The following EYS variants were observed in gnomAD, a reference collection of about 807,000 sequenced individuals.
The protein encoded by EYS is protein eyes shut homolog.
Under a neutral mutation model 282.1 loss-of-function variants are expected in EYS, and 250 were observed. The ratio of observed to expected loss-of-function variants is 0.89; its 90% CI spans 0.80 to 0.98. The LOEUF (loss-of-function observed/expected upper bound fraction) is 0.98. EYS is among the 50% of genes least tolerant of loss of function. The pLI, the probability that EYS is intolerant of heterozygous loss-of-function variation, is 0.00. For missense variants in EYS, 4,016 were observed against 3,709.0 expected (o/e 1.08, Z -2.15); for synonymous variants, 1,355 against 1,282.9 (o/e 1.06, Z -1.20).
chr6:64,798,607 G>GTTT lies in EYS; in HGVS notation c.3443+14768_3443+14770dup, dbSNP rs57597318. Reference sequence around the variant, plus strand: ...CATTCTGCCTGTTTCTTTGTTTCTGGTTTTTTTTTTTTTTTTTTTTGCATC... The same window carrying GTTT: ...CATTCTGCCTGTTTCTTTGTTTCTGGTTTTTTTTTTTTTTTTTTTTTTTGCATC... On this transcript the variant is annotated intron_variant, in intron 22 of 42. Transcript: ENST00000503581. Among the ~76,000 whole-genome samples the GTTT allele has an allele frequency of 5.4e-3, 576 of 106,796 alleles. 9 individuals are homozygous for GTTT. The highest frequency in any genetic ancestry group is 0.011 in the African/African-American group (320 of 28,524). The allele number at this position is 106,796 out of a possible 152,430, so 70.1% of individuals were successfully genotyped here.
chr6:64,502,750 A>G (rs1777095680), intron 26 of EYS, among the ~76,000 whole-genome samples: 1 of 152,050 alleles, frequency 6.6e-6, no homozygotes, highest in Non-Finnish European at 1.5e-5. Flanking sequence ...ACATAAATCC[A>G]TCCATCAACA....
At chr6:63,825,341 C>T (rs1438482025) in intron 36 of EYS, among the ~76,000 whole-genome samples, 3 of 152,184 alleles carry the variant, frequency 2.0e-5, no homozygotes, top group Non-Finnish European at 4.4e-5. Context: ...AGACAAAGGG[C>T]GTATAATCTT....
At chr6:64,469,810 T>C (rs1776053407) in intron 26 of EYS, among the ~76,000 whole-genome samples, 1 of 151,988 alleles carries the variant, frequency 6.6e-6, no homozygotes, top group Non-Finnish European at 1.5e-5. Flanking sequence ...GGCCTAACCG[T>C]CTCCCTGTGA....
chr6:63,987,515 A>C (rs556909372), intron 34 of EYS, among the ~76,000 whole-genome samples: 184 of 151,802 alleles, frequency 1.2e-3, no homozygotes, highest in African/African-American at 4.2e-3. Context: ...GATGTACATA[A>C]AATGCAGACC....
chr6:65,216,516 T>A (rs1766318355), intron 12 of EYS, among the ~76,000 whole-genome samples: 1 of 151,962 alleles, frequency 6.6e-6, no homozygotes, highest in African/African-American at 2.4e-5. Context: ...TTTTTGTGAA[T>A]TTTGAAACAT....
At chr6:65,421,927 A>G (rs76578791) in intron 5 of EYS, among the ~76,000 whole-genome samples, 12 of 152,066 alleles carry the variant, frequency 7.9e-5, no homozygotes, top group East Asian at 3.9e-4. Context: ...TCAAAGATCA[A>G]TGATCACAGA....
intron 22 of EYS, among the ~76,000 whole-genome samples, chr6:64,762,585 CT>C (rs1773194435): frequency 6.6e-6 from 1 of 151,980 alleles, no homozygotes; most frequent in Non-Finnish European, 1.5e-5. Context: ...GTATTTCTTG[CT>C]TTCTCCACAC....
At chr6:65,602,911 C>G (rs1416770746) in intron 2 of EYS, among the ~76,000 whole-genome samples, 3 of 151,858 alleles carry the variant, frequency 2.0e-5, no homozygotes, top group East Asian at 3.9e-4. Context: ...GTCAGAGTAG[C>G]CTTTGCTCCA....
chr6:65,439,733 G>A (rs1458348797), intron 5 of EYS, among the ~76,000 whole-genome samples: 2 of 151,860 alleles, frequency 1.3e-5, no homozygotes, highest in Non-Finnish European at 2.9e-5. Flanking sequence ...TGCTTATCAG[G>A]TTAAGGACAT....
In EYS at chr6:64,501,921, GTGGCT is replaced by G. The variant is rs201328719; in HGVS notation, c.5645-62574_5645-62570del. On this transcript the variant is annotated intron_variant, in intron 26 of 42. Coordinates refer to ENST00000503581, the MANE Select transcript of EYS (RefSeq NM_001142800.2). ...AGCACCAGACTGTCAGGGTGCCAGA[GTGGCT>G]CCTGCATGTACTAGTTCTGGAACTT... Among the ~76,000 whole-genome samples, 652 of 152,278 alleles carry G rather than the reference GTGGCT, an allele frequency of 4.3e-3. 16 individuals are homozygous for G. Among genetic ancestry groups the G allele is most frequent in the Admixed American group, 0.032 (495 of 15,294 alleles).
Position 64,544,202 on chromosome 6 carries a change from TCTTTTTAAC to T in EYS, c.5644+46012_5644+46020del, listed in dbSNP as rs1325435090. Among the ~76,000 whole-genome samples the T allele has an allele frequency of 2.0e-5, 3 of 152,340 alleles. No homozygotes were observed. In the East Asian group the frequency reaches 5.8e-4, roughly 29 times the overall value. On this transcript the variant is annotated intron_variant, in intron 26 of 42. Coordinates refer to ENST00000503581, the MANE Select transcript of EYS (RefSeq NM_001142800.2). ...GCCTTCTACTCGATTTGAGAATTTT[TCTTTTTAAC>T]CTGTACACTCGCTAAGAGAATACAA...
chr6:64,166,813 T>C (rs1188954554), intron 31 of EYS, among the ~76,000 whole-genome samples: 2 of 152,238 alleles, frequency 1.3e-5, no homozygotes, highest in African/African-American at 4.8e-5. Context: ...CCTGCTTCTC[T>C]GTAAAAGTAG....
At position 65,487,036 on chromosome 6, in the gene EYS, C is replaced by A. The variant is rs368352421; in HGVS notation, c.862+3558G>T. Among the ~76,000 whole-genome samples the A allele has an allele frequency of 7.9e-5, 12 of 152,132 alleles. No homozygotes were observed. The South Asian group carries it at 1.2e-3, about 16-fold the overall frequency. ...TCAACAATGATTTTGTATCCTGAGA[C>A]TTTGCTGAAGTTCCTTATCAGCTTA... On this transcript the variant is annotated intron_variant, in intron 5 of 42. Coordinates refer to ENST00000503581, the MANE Select transcript of EYS (RefSeq NM_001142800.2).
chr6:65,548,971 A>G (rs1285170785), intron 2 of EYS, among the ~76,000 whole-genome samples: 3 of 152,132 alleles, frequency 2.0e-5, no homozygotes, highest in Non-Finnish European at 4.4e-5. Context: ...TTTCAGGATG[A>G]AAGTGTTCCA....
chr6:64,368,141 C>T (rs559171366), intron 29 of EYS, among the ~76,000 whole-genome samples: 8 of 151,986 alleles, frequency 5.3e-5, no homozygotes, highest in Non-Finnish European at 7.4e-5. Flanking sequence ...TTCTCGTCTG[C>T]GTCCACAGGT....
intron 28 of EYS, among the ~76,000 whole-genome samples, chr6:64,418,644 A>AT (rs1282121046): frequency 6.6e-6 from 1 of 152,210 alleles, no homozygotes; most frequent in African/African-American, 2.4e-5. Context: ...TCTCATCAGA[A>AT]TGGGGACTAG....
chr6:64,339,863 A>G (rs553408570), intron 29 of EYS, among the ~76,000 whole-genome samples: 3 of 151,884 alleles, frequency 2.0e-5, no homozygotes, highest in Non-Finnish European at 4.4e-5. Context: ...ACACAAAGGC[A>G]TAGGAATGAT....
intron 15 of EYS, among the ~76,000 whole-genome samples, chr6:64,916,069 C>T (rs1768152924): frequency 6.6e-6 from 1 of 152,006 alleles, no homozygotes; most frequent in Non-Finnish European, 1.5e-5. Context: ...TATAACTATT[C>T]AGTCATATAA....
intron 2 of EYS, among the ~76,000 whole-genome samples, chr6:65,504,905 AG>A (rs1766599770): frequency 6.6e-6 from 1 of 151,804 alleles, no homozygotes; most frequent in African/African-American, 2.4e-5. Context: ...TTTTGGAATT[AG>A]GGTAATGCTA....
Sources: gnomAD v4.1 joint callset for allele counts (sites outside exome capture counted in the v4.1 genomes callset) on GRCh38, gnomAD v4.1.1 for gene constraint, MANE v1.5 for transcripts, NCBI Gene and HGNC (gene_info 2026-07-23, HGNC 2026-07-21) for gene names.